The following ADAMTSL1 variants were observed in gnomAD, a reference collection of about 807,000 sequenced individuals.
The protein encoded by ADAMTSL1 is ADAMTS like 1.
In ADAMTSL1, 126 loss-of-function variants were observed where a neutral mutation model predicts 201.8. The observed-to-expected ratio is 0.62, with a 90% CI of 0.54 to 0.72. The LOEUF is 0.72. ADAMTSL1 is among the 30% of genes least tolerant of loss of function. The pLI is 0.00. For synonymous variants in ADAMTSL1, 1,121 were observed against 903.4 expected (o/e 1.24, Z -4.32); for missense variants, 2,679 against 2,277.8 (o/e 1.18, Z -3.59).
chr9:18,237,045 A>G (rs954695365), intron 2 of ADAMTSL1, among the ~76,000 whole-genome samples: 11 of 152,230 alleles, frequency 7.2e-5, no homozygotes, highest in African/African-American at 2.7e-4. Flanking sequence ...GCTGCCCAAT[A>G]AATATTTAGT....
chr9:18,290,445 G>T (rs1440030976), intron 2 of ADAMTSL1, among the ~76,000 whole-genome samples: 1 of 152,056 alleles, frequency 6.6e-6, no homozygotes, highest in Non-Finnish European at 1.5e-5. Flanking sequence ...ATGTGGCTGG[G>T]GTTGAACCAT....
chr9:18,412,597 A>G (rs1286419576), intron 2 of ADAMTSL1, among the ~76,000 whole-genome samples: 1 of 152,158 alleles, frequency 6.6e-6, no homozygotes, highest in African/African-American at 2.4e-5. Context: ...AACAACCACC[A>G]GTGATGATCT....
intron 2 of ADAMTSL1, among the ~76,000 whole-genome samples, chr9:18,390,610 G>T (rs1426552018): frequency 2.0e-5 from 3 of 152,172 alleles, no homozygotes; most frequent in African/African-American, 7.2e-5. Context: ...GTAATCATCA[G>T]CTGTGCTGGG....
intron 1 of ADAMTSL1, among the ~76,000 whole-genome samples, chr9:18,492,561 G>A (rs371715241): frequency 6.6e-6 from 1 of 152,154 alleles, no homozygotes; most frequent in South Asian, 2.1e-4. Flanking sequence ...CTGTAGGACT[G>A]CCTCTACTTG....
intron 2 of ADAMTSL1, among the ~76,000 whole-genome samples, chr9:18,327,217 A>G (rs4129608): frequency 0.21 from 31,807 of 152,154 alleles, 4,429 homozygotes; most frequent in African/African-American, 0.4. Flanking sequence ...TGCTGTTCTG[A>G]TATTGCATTT....
At chr9:18,626,014 G>A (rs919350809) in intron 5 of ADAMTSL1, among the ~76,000 whole-genome samples, 13 of 152,106 alleles carry the variant, frequency 8.5e-5, no homozygotes, top group Admixed American at 6.5e-4. Flanking sequence ...TAAAACACAG[G>A]CCTCTATGTT....
At chr9:18,899,616 A>T (rs1186078992) in intron 26 of ADAMTSL1, among the ~76,000 whole-genome samples, 1 of 152,200 alleles carries the variant, frequency 6.6e-6, no homozygotes, top group Non-Finnish European at 1.5e-5. Context: ...AACCGAATAG[A>T]GAACTCAGAA....
chr9:18,812,932 T>C (rs983077093), intron 20 of ADAMTSL1, among the ~76,000 whole-genome samples: 2 of 151,984 alleles, frequency 1.3e-5, no homozygotes, highest in South Asian at 4.2e-4. Context: ...ATAGTATATT[T>C]TAAAATTAGG....
At position 17,910,413 on chromosome 9, in the gene ADAMTSL1, C is replaced by T. The variant is rs184251815; in HGVS notation, c.87+3491C>T. On this transcript the variant is annotated intron_variant, in intron 1 of 29. Coordinates refer to the ADAMTSL1 transcript ENST00000680146. ...TCCCACTGCCTGTTCAAACTCACTT[C>T]AAGTCATTAGGTGCTTTCTTGGCAT... 2.0e-4 allele frequency among the ~76,000 whole-genome samples: 14 copies of T among 68,636 alleles called. 5 individuals are homozygous for T. Among genetic ancestry groups the T allele is most frequent in the Admixed American group, 1.9e-3 (11 of 5,700 alleles). The allele number at this position is 68,636 out of a possible 152,430, so 45.0% of individuals were successfully genotyped here. A position where few individuals can be genotyped will look rare whatever the true frequency, so the allele number is the denominator to read the frequency against.
At position 18,574,163 on chromosome 9, in the gene ADAMTSL1, A is replaced by G. The variant is rs1412506269; in HGVS notation, c.371A>G (p.Gln124Arg). 7 of 1,614,184 alleles carry G rather than the reference A, an allele frequency of 4.3e-6. No individual in the cohort carries two copies. The highest frequency in any genetic ancestry group is 5.9e-6 in the Non-Finnish European group (7 of 1,180,022). ...GACAACCCATGTTCACTCAAGTGCCAAGCCAAAGGAACAACCCTGGTTGTT... is the reference window on the plus strand; with the variant it reads ...GACAACCCATGTTCACTCAAGTGCCGAGCCAAAGGAACAACCCTGGTTGTT... ...DPDNPCSLKC[Q>R]AKGTTLVVEL... The change falls in exon 4 of 29, where the codon CAA (glutamine) becomes CGA (arginine). Residue 124 changes from glutamine to arginine, a missense_variant. Coordinates refer to ENST00000380548, the MANE Select transcript of ADAMTSL1 (RefSeq NM_001040272.6).
intron 4 of ADAMTSL1, among the ~76,000 whole-genome samples, chr9:18,582,138 C>T (rs1003444112): frequency 6.6e-6 from 1 of 152,324 alleles, no homozygotes; most frequent in East Asian, 1.9e-4. Context: ...TCATGGGTCA[C>T]ATGCCTAATT....
chr9:18,590,281 T>A (rs1220174346), intron 4 of ADAMTSL1, among the ~76,000 whole-genome samples: 1 of 152,148 alleles, frequency 6.6e-6, no homozygotes, highest in Admixed American at 6.5e-5. Context: ...TATCCATTTC[T>A]AGGTTTTCCA....
chr9:18,565,547 A>G (rs1009339769), intron 3 of ADAMTSL1, among the ~76,000 whole-genome samples: 3 of 150,872 alleles, frequency 2.0e-5, no homozygotes, highest in Non-Finnish European at 4.4e-5. Flanking sequence ...ATGGTGCCCT[A>G]AGCCATTTAA....
At chr9:18,759,716 G>T (rs1402377686) in intron 16 of ADAMTSL1, among the ~76,000 whole-genome samples, 1 of 152,110 alleles carries the variant, frequency 6.6e-6, no homozygotes, top group African/African-American at 2.4e-5. Context: ...TGGCATAATT[G>T]CCCTGATTTT....
Position 18,474,896 on chromosome 9 carries a change from A to C in ADAMTSL1, c.63+601A>C, listed in dbSNP as rs181208617. Among the ~76,000 whole-genome samples the C allele has an allele frequency of 3.9e-5, 6 of 152,302 alleles. No homozygotes were observed. In the East Asian group the frequency reaches 9.6e-4, roughly 24 times the overall value. Reference sequence around the variant, plus strand: ...TTTGATCTCAAATTTACTTTTAAAGAAGAAAAAGGAATGGTGACTTTTAGT... The same window carrying C: ...TTTGATCTCAAATTTACTTTTAAAGCAGAAAAAGGAATGGTGACTTTTAGT... On this transcript the variant is annotated intron_variant, in intron 1 of 28. Transcript: ENST00000380548.
chr9:18,071,891 G>A (rs1471717115), intron 1 of ADAMTSL1, among the ~76,000 whole-genome samples: 6 of 152,206 alleles, frequency 3.9e-5, no homozygotes, highest in Non-Finnish European at 5.9e-5. Flanking sequence ...CGCACTTCCT[G>A]TGTGTCCCTT....
chr9:18,686,351 G>A (rs1427026000), intron 13 of ADAMTSL1, among the ~76,000 whole-genome samples: 2 of 152,230 alleles, frequency 1.3e-5, no homozygotes, highest in Non-Finnish European at 2.9e-5. Flanking sequence ...AACTTTGGAG[G>A]AAAGGGAGTG....
intron 2 of ADAMTSL1, among the ~76,000 whole-genome samples, chr9:18,313,137 C>G (rs1248735202): frequency 6.6e-6 from 1 of 152,210 alleles, no homozygotes; most frequent in Non-Finnish European, 1.5e-5. Context: ...ACTTCCAGAA[C>G]TCCTGATTCA....
intron 2 of ADAMTSL1, among the ~76,000 whole-genome samples, chr9:18,177,266 G>T (rs1191974909): frequency 6.6e-6 from 1 of 152,150 alleles, no homozygotes; most frequent in Non-Finnish European, 1.5e-5. Context: ...TAAGTAAGTT[G>T]TTGAAAACTA....
Sources: gnomAD v4.1 joint callset for allele counts (sites outside exome capture counted in the v4.1 genomes callset) on GRCh38, gnomAD v4.1.1 for gene constraint, MANE v1.5 for transcripts, NCBI Gene and HGNC (gene_info 2026-07-23, HGNC 2026-07-21) for gene names.